The following PTPRR variants were observed in gnomAD, a reference collection of about 807,000 sequenced individuals.
PTPRR encodes the protein protein tyrosine phosphatase receptor type R, also known as receptor-type tyrosine-protein phosphatase R.
A neutral mutation model predicts 77.2 loss-of-function variants in PTPRR; 38 were observed. That is an observed-to-expected ratio of 0.49 (90% CI 0.38 to 0.65). The LOEUF (loss-of-function observed/expected upper bound fraction) is 0.65, where lower values mean the gene tolerates loss of function less well. PTPRR is among the 30% of genes least tolerant of loss of function. The probability of loss-of-function intolerance (pLI) is 0.00; values close to 1 mark genes in which losing one functional copy is unlikely to be tolerated. For missense variants in PTPRR, 744 were observed against 799.2 expected (o/e 0.93, Z 0.83); for synonymous variants, 299 against 283.1 (o/e 1.06, Z -0.57).
chr12:70,639,323 C>T, intron 13 of PTPRR, 46 bp from the exon 14 acceptor site: 1 of 1,587,548 alleles, frequency 6.3e-7, no homozygotes, highest in Non-Finnish European at 8.6e-7. Flanking sequence ...TAAAATCTTG[C>T]AATTTCAAGT....
At chr12:70,714,009 T>C (rs571858914) in intron 6 of PTPRR, among the ~76,000 whole-genome samples, 11 of 152,212 alleles carry the variant, frequency 7.2e-5, no homozygotes, top group African/African-American at 2.6e-4. Flanking sequence ...CCTAATGTAG[T>C]AGGTCTTATC....
intron 6 of PTPRR, among the ~76,000 whole-genome samples, chr12:70,719,151 C>T (rs1235377683): frequency 6.6e-6 from 1 of 152,120 alleles, no homozygotes; most frequent in Non-Finnish European, 1.5e-5. Context: ...TTGACAAGAA[C>T]TCTCGGGCTA....
chr12:70,671,929 T>C, intron 10 of PTPRR: 1 of 960,920 alleles, frequency 1.0e-6, no homozygotes, highest in Non-Finnish European at 1.6e-6. Flanking sequence ...TGCTGGTCTC[T>C]GGTAGAAGAA....
In PTPRR at chr12:70,721,627, AT is replaced by A. The variant is rs561733914; in HGVS notation, c.1008-20305del. On this transcript the variant is annotated intron_variant, in intron 6 of 13. Coordinates refer to ENST00000283228, the MANE Select transcript of PTPRR (RefSeq NM_002849.4). ...GCAGTTTCCCTGACTGCTTAGAAAT[AT>A]TTATGATCTTGGGCTTTTTTCTACT... is the stretch of plus-strand genomic sequence containing the variant. Among the ~76,000 whole-genome samples the A allele has an allele frequency of 3.5e-3, 533 of 152,310 alleles. 3 individuals carry two copies. Among genetic ancestry groups the A allele is most frequent in the African/African-American group, 0.012 (485 of 41,570 alleles).
chr12:70,816,926 A>G (rs1357214549), intron 2 of PTPRR, among the ~76,000 whole-genome samples: 1 of 152,170 alleles, frequency 6.6e-6, no homozygotes, highest in Admixed American at 6.5e-5. Flanking sequence ...TATCAGCCTC[A>G]GCTTCTAGGT....
chr12:70,806,756 C>T (rs1337125054), intron 2 of PTPRR, among the ~76,000 whole-genome samples: 1 of 152,160 alleles, frequency 6.6e-6, no homozygotes, highest in South Asian at 2.1e-4. Context: ...CCAAATCTTA[C>T]TTATCCCAAA....
At chr12:70,792,730 T>C (rs972779385) in intron 2 of PTPRR, among the ~76,000 whole-genome samples, 6 of 152,096 alleles carry the variant, frequency 3.9e-5, no homozygotes, top group Non-Finnish European at 7.4e-5. Flanking sequence ...AAAATGCATA[T>C]TATGAAAAAA....
At chr12:70,804,375 G>A (rs1592766423) in intron 2 of PTPRR, among the ~76,000 whole-genome samples, 1 of 151,870 alleles carries the variant, frequency 6.6e-6, no homozygotes, top group South Asian at 2.1e-4. Context: ...TGGCAACATG[G>A]CAAAACCCTG....
chr12:70,844,557 T>G lies in PTPRR; in HGVS notation c.357+48122A>C, dbSNP rs563982388. Among the ~76,000 whole-genome samples, 5 of 152,214 alleles carry G rather than the reference T, an allele frequency of 3.3e-5. No individual in the cohort carries two copies. The South Asian group carries it at 6.2e-4, about 19-fold the overall frequency. ...GTAGAATAGTGGTTACTCCAGGGAC[T>G]GGGAGGTAGGGAAAATGGGGAGATG... On this transcript the variant is annotated intron_variant, in intron 2 of 13. Coordinates refer to ENST00000283228, the MANE Select transcript of PTPRR (RefSeq NM_002849.4).
At chr12:70,722,753 T>C (rs1467100294) in intron 6 of PTPRR, among the ~76,000 whole-genome samples, 1 of 152,176 alleles carries the variant, frequency 6.6e-6, no homozygotes, top group East Asian at 1.9e-4. Flanking sequence ...AAGCTTAACA[T>C]TCTCTGAGCC....
At chr12:70,808,687 A>C (rs1053584250) in intron 2 of PTPRR, among the ~76,000 whole-genome samples, 1 of 152,190 alleles carries the variant, frequency 6.6e-6, no homozygotes, top group African/African-American at 2.4e-5. Context: ...AAATCTCTTT[A>C]TAAATTCAGA....
At chr12:70,652,886 G>A (rs1486913594) in intron 13 of PTPRR, among the ~76,000 whole-genome samples, 1 of 152,202 alleles carries the variant, frequency 6.6e-6, no homozygotes, top group African/African-American at 2.4e-5. Flanking sequence ...GGCTATGAAA[G>A]TGGGCAGGGG....
intron 2 of PTPRR, among the ~76,000 whole-genome samples, chr12:70,784,088 G>A (rs1891268144): frequency 6.6e-6 from 1 of 152,194 alleles, no homozygotes; most frequent in Admixed American, 6.5e-5. Context: ...TGCAGCTGAG[G>A]GCAGAGGGAG....
intron 2 of PTPRR, among the ~76,000 whole-genome samples, chr12:70,816,030 T>C (rs1445945513): frequency 6.6e-6 from 1 of 152,164 alleles, no homozygotes; most frequent in Non-Finnish European, 1.5e-5. Context: ...ATCTACGTCT[T>C]CTTAATGTGT....
chr12:70,685,038 G>T, intron 8 of PTPRR: 1 of 304,080 alleles, frequency 3.3e-6, no homozygotes, highest in African/African-American at 2.2e-5. Flanking sequence ...CATCTGTTCC[G>T]GTTCTCGACC....
At chr12:70,859,567 G>T (rs776344375) in intron 2 of PTPRR, among the ~76,000 whole-genome samples, 4 of 151,988 alleles carry the variant, frequency 2.6e-5, no homozygotes, top group African/African-American at 4.8e-5. Context: ...GAATAGAATA[G>T]TCATTTCTCT....
At chr12:70,656,423 G>A (rs193159694) in intron 13 of PTPRR, among the ~76,000 whole-genome samples, 84 of 152,176 alleles carry the variant, frequency 5.5e-4, no homozygotes, top group African/African-American at 1.9e-3. Context: ...AGCTACGTGC[G>A]GGGGCTGAGG....
intron 6 of PTPRR, among the ~76,000 whole-genome samples, chr12:70,730,745 G>T (rs1249097091): frequency 2.6e-5 from 4 of 151,850 alleles, no homozygotes; most frequent in Admixed American, 6.6e-5. Context: ...GACTACTTGA[G>T]CCCAGGAGTT....
chr12:70,702,780 T>G (rs1211053220), intron 6 of PTPRR, among the ~76,000 whole-genome samples: 4 of 152,226 alleles, frequency 2.6e-5, no homozygotes, highest in African/African-American at 9.6e-5. Flanking sequence ...ACATTTATTT[T>G]CCTTATAATT....
Sources: allele counts gnomAD v4.1 joint callset (sites outside exome capture counted in the v4.1 genomes callset), GRCh38; gene constraint gnomAD v4.1.1; transcripts MANE v1.5; gene names NCBI Gene and HGNC (gene_info 2026-07-23, HGNC 2026-07-21).